TIAM1: variants seen among roughly 807,000 people sequenced by gnomAD.
The protein encoded by TIAM1 is TIAM Rac1 associated GEF 1.
In TIAM1, 65 loss-of-function variants were observed where a neutral mutation model predicts 163.5. The observed-to-expected ratio is 0.40, with a 90% CI of 0.33 to 0.49. The LOEUF is 0.49. TIAM1 is among the 20% of genes least tolerant of loss of function. TIAM1 has a pLI of 0.77. For synonymous variants in TIAM1, 833 were observed against 810.1 expected, an observed-to-expected ratio of 1.03 and a Z score of -0.48; for missense variants, 1,789 against 2,044.7, an observed-to-expected ratio of 0.87 and a Z score of 2.41.
At chr21:31,457,666 A>G (rs886909178) in intron 2 of TIAM1, among the ~76,000 whole-genome samples, 46 of 151,992 alleles carry the variant, frequency 3.0e-4, no homozygotes, top group African/African-American at 1.1e-3. Context: ...CTTATACATT[A>G]GCAAATCTCA....
rs186893246 is a variant in TIAM1, at chr21:31,146,650, G to A, written c.3475+245C>T. The stretch of plus-strand genomic sequence containing the variant: ...CACTTGAACCTGGGAGGCAGAGGTC[G>A]CAGTGAGCCAAGATCGTGCCACTGC... On this transcript the variant is annotated intron_variant, in intron 20 of 27. Transcript: ENST00000541036. Among the ~76,000 whole-genome samples, 9 of 149,668 alleles carry A rather than the reference G, an allele frequency of 6.0e-5. No individual in the cohort carries two copies. In the East Asian group the frequency reaches 9.8e-4, roughly 16 times the overall value.
upstream of TIAM1, among the ~76,000 whole-genome samples, chr21:31,345,778 C>T (rs934995518): frequency 6.6e-6 from 1 of 151,946 alleles, no homozygotes; most frequent in Non-Finnish European, 1.5e-5. Flanking sequence ...GGTGAAACCC[C>T]GTCTCTACTA....
chr21:31,131,030 C>T (rs935924979), intron 23 of TIAM1, 82 bp from the exon 24 acceptor site: 4 of 1,172,524 alleles, frequency 3.4e-6, no homozygotes, highest in Non-Finnish European at 3.8e-6. Context: ...TGGTAATAAA[C>T]ACTACAGTTA....
intron 2 of TIAM1, among the ~76,000 whole-genome samples, chr21:31,424,361 G>A (rs967704132): frequency 6.6e-6 from 1 of 152,182 alleles, no homozygotes; most frequent in Non-Finnish European, 1.5e-5. Context: ...ATTCACAGAA[G>A]AAAAAGGGTG....
intron 1 of TIAM1, among the ~76,000 whole-genome samples, chr21:31,517,987 C>G (rs537046744): frequency 6.6e-6 from 1 of 152,288 alleles, no homozygotes; most frequent in East Asian, 1.9e-4. Context: ...CTCACCGCCC[C>G]TTCGAGTCTT....
chr21:31,191,929 T>C (rs960054487), intron 13 of TIAM1, among the ~76,000 whole-genome samples: 1 of 152,210 alleles, frequency 6.6e-6, no homozygotes, highest in Non-Finnish European at 1.5e-5. Context: ...AGTTTATCCT[T>C]ACTCAACAAA....
Position 31,141,591 on chromosome 21 carries a change from A to C in TIAM1, c.3476-87T>G. 1.3e-6 allele frequency: 2 copies of C among 1,511,370 alleles called. No homozygotes were observed. The highest frequency in any genetic ancestry group is 1.8e-6 in the Non-Finnish European group (2 of 1,110,402). 93.6% of individuals were successfully genotyped at this position (1,511,370 alleles called of 1,614,324 possible). ...TTCCCTCCCTTCCTCAGTGACTCCA[A>C]GGTGCCTTTTTGCAGGACTGAGCAG... On this transcript the variant is annotated intron_variant, in intron 20 of 27. Transcript: ENST00000541036. The surrounding 1 kb of genome is among the most constrained non-coding windows in gnomAD (Gnocchi z 4.7).
chr21:31,448,756 C>A (rs1450616872), intron 2 of TIAM1, among the ~76,000 whole-genome samples: 1 of 152,130 alleles, frequency 6.6e-6, no homozygotes, highest in Admixed American at 6.6e-5. Flanking sequence ...ACAATCAGAA[C>A]TGTGGCAGCT....
Position 31,130,393 on chromosome 21 carries a change from C to T in TIAM1, c.3943-78G>A, listed in dbSNP as rs143337982. ...CAGTTCCCTGCATTTTCTAAACCAG[C>T]GACAGACTCTCACGCAGTAACTCTA... On this transcript the variant is annotated intron_variant, in intron 24 of 27. Coordinates refer to ENST00000541036, the MANE Select transcript of TIAM1 (RefSeq NM_001353694.2). 532 of 1,158,648 alleles carry T rather than the reference C, an allele frequency of 4.6e-4. No homozygotes were observed. In the East Asian group the frequency reaches 9.4e-3, roughly 21 times the overall value. 71.8% of individuals were successfully genotyped at this position (1,158,648 alleles called of 1,614,324 possible). A position where few individuals can be genotyped will look rare whatever the true frequency, so the allele number is the denominator to read the frequency against.
chr21:31,439,609 T>C (rs933221434), intron 2 of TIAM1, among the ~76,000 whole-genome samples: 2 of 152,216 alleles, frequency 1.3e-5, no homozygotes, highest in Non-Finnish European at 2.9e-5. Flanking sequence ...TTCTTTAACA[T>C]GCATTTGATT....
intron 1 of TIAM1, among the ~76,000 whole-genome samples, chr21:31,542,269 A>C (rs1367353000): frequency 3.3e-5 from 5 of 150,910 alleles, no homozygotes; most frequent in Admixed American, 3.3e-4. Flanking sequence ...ACTAAAAATA[A>C]AAAAAAAATT....
chr21:31,167,381 C>G (rs930118808), intron 15 of TIAM1, among the ~76,000 whole-genome samples: 1 of 152,180 alleles, frequency 6.6e-6, no homozygotes, highest in Non-Finnish European at 1.5e-5. Flanking sequence ...CAGTGCCCGG[C>G]TGGATTTTCA....
At chr21:31,305,208 T>C (rs942560795) in intron 2 of TIAM1, among the ~76,000 whole-genome samples, 5 of 152,212 alleles carry the variant, frequency 3.3e-5, no homozygotes, top group Non-Finnish European at 7.3e-5. Context: ...AAAATCTACC[T>C]ATAAACAATG....
chr21:31,381,765 G>A (rs186633821), intron 2 of TIAM1, among the ~76,000 whole-genome samples: 1 of 152,250 alleles, frequency 6.6e-6, no homozygotes, highest in African/African-American at 2.4e-5. Flanking sequence ...CTGGGAGGTC[G>A]AGGCTGCAGT....
At chr21:31,283,908 G>A (rs76798469) in intron 2 of TIAM1, among the ~76,000 whole-genome samples, 7,489 of 152,168 alleles carry the variant, frequency 0.049, 229 homozygotes, top group Non-Finnish European at 0.064. Context: ...CACTCCAAGA[G>A]TAGTTTCCAT....
At chr21:31,287,299 C>A (rs2073848581) in intron 2 of TIAM1, among the ~76,000 whole-genome samples, 1 of 152,172 alleles carries the variant, frequency 6.6e-6, no homozygotes, top group Admixed American at 6.5e-5. Flanking sequence ...GACAGAGTAT[C>A]TATGTAGAAT....
At chr21:31,412,595 A>G (rs2077377966) in intron 2 of TIAM1, among the ~76,000 whole-genome samples, 1 of 151,984 alleles carries the variant, frequency 6.6e-6, no homozygotes. Context: ...CAACCTGGCC[A>G]ACATGGTGAA....
chr21:31,273,652 T>C (rs535622052), intron 3 of TIAM1, among the ~76,000 whole-genome samples: 3 of 152,344 alleles, frequency 2.0e-5, no homozygotes, highest in African/African-American at 7.2e-5. Context: ...CCAGATGATG[T>C]AACAATACCT....
intron 1 of TIAM1, among the ~76,000 whole-genome samples, chr21:31,339,762 A>G (rs2075960878): frequency 6.6e-6 from 1 of 152,172 alleles, no homozygotes; most frequent in African/African-American, 2.4e-5. Context: ...TCACAAATCA[A>G]TCCACCCTGA....
Sources: allele counts gnomAD v4.1 joint callset (sites outside exome capture counted in the v4.1 genomes callset), GRCh38; gene constraint gnomAD v4.1.1; non-coding constraint Gnocchi (gnomAD v3.1); transcripts MANE v1.5; gene names NCBI Gene and HGNC (gene_info 2026-07-23, HGNC 2026-07-21).